Variants in SLC25A12 observed in about 807,000 individuals in gnomAD.
The protein encoded by SLC25A12 is electrogenic aspartate/glutamate antiporter SLC25A12, mitochondrial.
SLC25A12 carries 32 observed loss-of-function variants against 83.3 expected under a neutral mutation model. The ratio of observed to expected loss-of-function variants is 0.38; its 90% CI spans 0.29 to 0.52. The LOEUF (loss-of-function observed/expected upper bound fraction) is 0.52. SLC25A12 is among the 20% of genes least tolerant of loss of function. The pLI, the probability that SLC25A12 is intolerant of heterozygous loss-of-function variation, is 0.84. For synonymous variants in SLC25A12, 267 were observed against 291.1 expected, an observed-to-expected ratio of 0.92 and a Z score of 0.84; for missense variants, 611 against 835.6, an observed-to-expected ratio of 0.73 and a Z score of 3.31.
At position 171,874,250 on chromosome 2, in the gene SLC25A12, G is replaced by A. The variant is rs577843596; in HGVS notation, c.67-5427C>T. On this transcript the variant is annotated intron_variant, in intron 2 of 17. Coordinates refer to ENST00000422440, the MANE Select transcript of SLC25A12 (RefSeq NM_003705.5). Reference sequence around the variant, plus strand: ...TCAAAAAAATAATAATAATTAGTTGGGCGTGGTGGCAGGTGCCTGTAATCC... The same window carrying A: ...TCAAAAAAATAATAATAATTAGTTGAGCGTGGTGGCAGGTGCCTGTAATCC... Among the ~76,000 whole-genome samples, 35 of 151,668 alleles carry A rather than the reference G, an allele frequency of 2.3e-4. No homozygotes were observed. In the East Asian group the frequency reaches 6.6e-3, roughly 29 times the overall value.
intron 15 of SLC25A12, among the ~76,000 whole-genome samples, chr2:171,790,879 T>C (rs1683437809): frequency 6.6e-6 from 1 of 152,040 alleles, no homozygotes; most frequent in South Asian, 2.1e-4. Flanking sequence ...ACCTGGCTAA[T>C]GACAAAGTGT....
chr2:171,783,899 A>G lies in SLC25A12; in HGVS notation c.*1375T>C, dbSNP rs1690439582. ...TCAATCGAGGAGCACTGTGCAGGAT[A>G]CTAAGTAACTTGGTCTGTCTCCAGG... On this transcript the variant is annotated 3_prime_UTR_variant, in exon 18 of 18. Transcript: ENST00000422440. Among the ~76,000 whole-genome samples the G allele has an allele frequency of 6.6e-6, 1 of 152,210 alleles. No individual in the cohort carries two copies. The highest frequency in any genetic ancestry group is 2.1e-4 in the South Asian group (1 of 4,824).
At chr2:171,790,578 A>G (rs1189990560) in intron 15 of SLC25A12, among the ~76,000 whole-genome samples, 1 of 152,204 alleles carries the variant, frequency 6.6e-6, no homozygotes. Flanking sequence ...ATTGACATTT[A>G]TTGAGCACCT....
At chr2:171,809,772 T>C in intron 12 of SLC25A12, 86 bp from the exon 13 acceptor site, 1 of 946,050 alleles carries the variant, frequency 1.1e-6, no homozygotes, top group Non-Finnish European at 1.7e-6. Context: ...CAGCAAAATA[T>C]TTGTCTTATG....
rs1057145490 is a variant in SLC25A12 at position 171,871,628 on chromosome 2, T to C, written c.67-2805A>G. 5 of 749,598 alleles carry C rather than the reference T, an allele frequency of 6.7e-6. No individual in the cohort carries two copies. In the African/African-American group the frequency reaches 7.6e-5, roughly 11 times the overall value. 46.4% of individuals were successfully genotyped at this position (749,598 alleles called of 1,614,324 possible). A position where few individuals can be genotyped will look rare whatever the true frequency, so the allele number is the denominator to read the frequency against. ...AGCCACCGTGCCGGGCCCTCACCTG[T>C]ATCTTTGTAATAGCGACTTCCTAGT... On this transcript the variant is annotated intron_variant, in intron 2 of 17. Coordinates refer to ENST00000422440, the MANE Select transcript of SLC25A12 (RefSeq NM_003705.5).
At chr2:171,862,159 A>T (rs1264453797) in intron 3 of SLC25A12, among the ~76,000 whole-genome samples, 1 of 152,226 alleles carries the variant, frequency 6.6e-6, no homozygotes, top group East Asian at 1.9e-4. Flanking sequence ...AAAGTAGAAG[A>T]AAAGAACACC....
At chr2:171,786,118 G>A (rs887807680) in intron 17 of SLC25A12, among the ~76,000 whole-genome samples, 3 of 152,024 alleles carry the variant, frequency 2.0e-5, no homozygotes, top group Admixed American at 1.3e-4. Context: ...GCTCACGCCT[G>A]TAATCCCAGA....
intron 3 of SLC25A12, among the ~76,000 whole-genome samples, chr2:171,862,077 AAAAC>A (rs1283019342): frequency 6.6e-6 from 1 of 152,254 alleles, no homozygotes; most frequent in Non-Finnish European, 1.5e-5. Context: ...TATAATTTGT[AAAAC>A]AATCAAGATT....
chr2:171,829,172 T>C (rs62182374), intron 8 of SLC25A12, among the ~76,000 whole-genome samples: 32,711 of 152,082 alleles, frequency 0.22, 4,236 homozygotes, highest in East Asian at 0.58. Context: ...AACCATAATA[T>C]TGTATGGCCC....
At chr2:171,805,944 A>C (rs1263780727) in intron 13 of SLC25A12, among the ~76,000 whole-genome samples, 1 of 152,088 alleles carries the variant, frequency 6.6e-6, no homozygotes, top group African/African-American at 2.4e-5. Context: ...CCCCATCTCT[A>C]CAAAAAATAC....
intron 2 of SLC25A12, among the ~76,000 whole-genome samples, chr2:171,887,142 T>G (rs957848502): frequency 1.3e-5 from 2 of 152,200 alleles, no homozygotes; most frequent in African/African-American, 2.4e-5. Context: ...ATACATAAAC[T>G]ATTTGAATAA....
chr2:171,813,623 T>A (rs926262025), intron 10 of SLC25A12, 126 bp from the exon 11 acceptor site: 27 of 1,107,646 alleles, frequency 2.4e-5, no homozygotes, highest in Admixed American at 7.8e-5. Flanking sequence ...AAAAGAGAGT[T>A]TATTATTTTT....
chr2:171,865,062 AACATACCATAATTC>A (rs1685257280), intron 3 of SLC25A12, among the ~76,000 whole-genome samples: 1 of 152,294 alleles, frequency 6.6e-6, no homozygotes, highest in South Asian at 2.1e-4. Flanking sequence ...ACAGCTTTCT[AACATACCATAATTC>A]ACTTTTTTAT....
chr2:171,853,930 A>T (rs1684991252), intron 4 of SLC25A12, among the ~76,000 whole-genome samples: 1 of 152,234 alleles, frequency 6.6e-6, no homozygotes, highest in Non-Finnish European at 1.5e-5. Flanking sequence ...ATCAAGGTAG[A>T]GGGACAAAAA....
rs1224350074 is a variant in SLC25A12 at position 171,787,456 on chromosome 2, T to C, written c.1835+115A>G. On this transcript the variant is annotated intron_variant, in intron 17 of 17. Coordinates refer to ENST00000422440, the MANE Select transcript of SLC25A12 (RefSeq NM_003705.5). ...CTCACTGTTTTAAATGCATTGGTCT[T>C]AAAGGTTCTGTCTTATCAGTTTTCT... The C allele has an allele frequency of 2.7e-5, 24 of 880,532 alleles. No individual in the cohort carries two copies. The East Asian group carries it at 3.4e-4, about 12-fold the overall frequency. The allele number at this position is 880,532 out of a possible 1,614,324, so 54.5% of individuals were successfully genotyped here.
intron 2 of SLC25A12, among the ~76,000 whole-genome samples, chr2:171,886,878 G>A (rs920797375): frequency 1.3e-5 from 2 of 152,124 alleles, no homozygotes; most frequent in African/African-American, 4.8e-5. Flanking sequence ...AAATACCATT[G>A]TTTGTTCAAA....
At chr2:171,878,260 T>G (rs531813344) in intron 2 of SLC25A12, among the ~76,000 whole-genome samples, 1 of 152,310 alleles carries the variant, frequency 6.6e-6, no homozygotes, top group South Asian at 2.1e-4. Context: ...TCAAGAATTT[T>G]TGGGCAAAAC....
In SLC25A12 at chr2:171,800,732, A is replaced by C. The variant is rs371633196; in HGVS notation, c.1306-6965T>G. On this transcript the variant is annotated intron_variant, in intron 13 of 17. Coordinates refer to ENST00000422440, the MANE Select transcript of SLC25A12 (RefSeq NM_003705.5). ...ACATCCATCAAGAGAAAAATGGATA[A>C]ACAAATTGTGGTAAATTCGTACGAT... 5.9e-5 allele frequency among the ~76,000 whole-genome samples: 9 copies of C among 152,364 alleles called. No homozygotes were observed. The East Asian group carries it at 1.7e-3, about 29-fold the overall frequency.
chr2:171,853,105 T>C (rs1684967381), intron 4 of SLC25A12, among the ~76,000 whole-genome samples: 1 of 152,116 alleles, frequency 6.6e-6, no homozygotes, highest in African/African-American at 2.4e-5. Flanking sequence ...ATCCTCCCAT[T>C]TCAGCCTCCC....
Sources: gnomAD v4.1 joint callset for allele counts (sites outside exome capture counted in the v4.1 genomes callset) on GRCh38, gnomAD v4.1.1 for gene constraint, MANE v1.5 for transcripts, NCBI Gene and HGNC (gene_info 2026-07-23, HGNC 2026-07-21) for gene names.